PARD3B: variants seen among roughly 807,000 people sequenced by gnomAD.
PARD3B encodes par-3 family cell polarity regulator beta, also known as partitioning defective 3 homolog B.
In PARD3B, 103 loss-of-function variants were observed where a neutral mutation model predicts 130.2. That is an observed-to-expected ratio of 0.79 (90% CI 0.67 to 0.93). PARD3B has a LOEUF of 0.93. Among genes scored for constraint, PARD3B ranks in the 40% least tolerant of loss-of-function variants. PARD3B has a pLI of 0.00. For synonymous variants in PARD3B, 583 were observed against 553.2 expected, an observed-to-expected ratio of 1.05 and a Z score of -0.76; for missense variants, 1,609 against 1,499.2, an observed-to-expected ratio of 1.07 and a Z score of -1.21.
At chr2:205,489,315 C>T (rs933707300) in intron 20 of PARD3B, among the ~76,000 whole-genome samples, 1 of 151,730 alleles carries the variant, frequency 6.6e-6, no homozygotes, top group Non-Finnish European at 1.5e-5. Flanking sequence ...AAATATTGCA[C>T]TGGGGGCTGG....
intron 2 of PARD3B, among the ~76,000 whole-genome samples, chr2:204,715,290 T>A (rs1363024828): frequency 6.6e-6 from 1 of 152,204 alleles, no homozygotes; most frequent in East Asian, 1.9e-4. Flanking sequence ...AAAGTTTACT[T>A]CCCTGTGATT....
At chr2:204,994,291 G>A (rs1399155212) in intron 3 of PARD3B, among the ~76,000 whole-genome samples, 26 of 109,706 alleles carry the variant, frequency 2.4e-4, no homozygotes, top group African/African-American at 4.3e-4. Context: ...CTTTGTTCTC[G>A]TTGGTTTCAA....
intron 2 of PARD3B, among the ~76,000 whole-genome samples, chr2:204,825,847 A>G (rs1241401821): frequency 6.6e-6 from 1 of 152,146 alleles, no homozygotes; most frequent in Non-Finnish European, 1.5e-5. Flanking sequence ...GGTTTCTTCA[A>G]TTCTTGTGAA....
chr2:205,187,320 GA>G lies in PARD3B; in HGVS notation c.2024+1458del, dbSNP rs1187033397. ...TGTACAAGGTGGAGCTGATCAGCCA[GA>G]TGATAAAGCCCAGAGTGCAAGAATA... is the stretch of plus-strand genomic sequence containing the variant. On this transcript the variant is annotated intron_variant, in intron 14 of 22. Coordinates refer to ENST00000406610, the MANE Select transcript of PARD3B (RefSeq NM_001302769.2). This position sits in a 1 kb window ranked among gnomAD's most constrained non-coding sequence, Gnocchi z 4.9. Among the ~76,000 whole-genome samples the G allele has an allele frequency of 6.6e-6, 1 of 152,198 alleles. No homozygotes were observed.
chr2:204,740,047 C>G (rs898788843), intron 2 of PARD3B, among the ~76,000 whole-genome samples: 1 of 151,506 alleles, frequency 6.6e-6, no homozygotes, highest in South Asian at 2.1e-4. Flanking sequence ...CAGTCACTCT[C>G]TCATCACCCA....
At position 204,906,487 on chromosome 2, in the gene PARD3B, A is replaced by G. The variant is rs1244806093; in HGVS notation, c.223-58665A>G. Among the ~76,000 whole-genome samples, 1 of 152,220 alleles carries G rather than the reference A, an allele frequency of 6.6e-6. No homozygotes were observed. Among genetic ancestry groups the G allele is most frequent in the East Asian group, 1.9e-4 (1 of 5,196 alleles). Reference sequence around the variant, plus strand: ...CGTGCCAGTTATATATATGGGCAGTAGACCTTATTATTAACTAGAGAACAC... The same window carrying G: ...CGTGCCAGTTATATATATGGGCAGTGGACCTTATTATTAACTAGAGAACAC... On this transcript the variant is annotated intron_variant, in intron 2 of 22. Transcript: ENST00000406610. This position sits in a 1 kb window ranked among gnomAD's most constrained non-coding sequence, Gnocchi z 4.3.
intron 3 of PARD3B, among the ~76,000 whole-genome samples, chr2:204,989,497 G>C (rs1693460008): frequency 1.3e-5 from 2 of 152,136 alleles, no homozygotes; most frequent in African/African-American, 4.8e-5. Context: ...AAGCAACGCA[G>C]TGAGCACCCA....
intron 1 of PARD3B, among the ~76,000 whole-genome samples, chr2:204,558,699 G>C (rs2031100119): frequency 1.3e-5 from 2 of 152,070 alleles, no homozygotes. Context: ...CTACTTTAAA[G>C]TTCATGTGGA....
chr2:205,038,978 GC>G (rs1291627142), intron 3 of PARD3B, among the ~76,000 whole-genome samples: 2 of 152,018 alleles, frequency 1.3e-5, no homozygotes, highest in East Asian at 3.9e-4. Context: ...TTCATCACAG[GC>G]CAGGCACCAA....
At chr2:205,130,610 G>A (rs892211770) in intron 10 of PARD3B, among the ~76,000 whole-genome samples, 6 of 151,994 alleles carry the variant, frequency 3.9e-5, no homozygotes, top group Non-Finnish European at 7.4e-5. Flanking sequence ...CCTCTTTAAC[G>A]TTTCATTTTC....
At position 205,091,635 on chromosome 2, in the gene PARD3B, T is replaced by A. The variant is rs141261333; in HGVS notation, c.505-12791T>A. Among the ~76,000 whole-genome samples the A allele has an allele frequency of 3.4e-4, 52 of 152,296 alleles. No individual in the cohort carries two copies. The East Asian group carries it at 0.01, about 29-fold the overall frequency. ...TTCTGTCAAAGATATGGGCTTGGAT[T>A]AGCAGCTACATATCAGTTCTTATCT... On this transcript the variant is annotated intron_variant, in intron 4 of 22. Transcript: ENST00000406610. The surrounding 1 kb of genome is among the most constrained non-coding windows in gnomAD (Gnocchi z 4.2).
intron 18 of PARD3B, among the ~76,000 whole-genome samples, chr2:205,378,387 T>A (rs2045155204): frequency 6.6e-6 from 1 of 152,020 alleles, no homozygotes; most frequent in Non-Finnish European, 1.5e-5. Context: ...GTCAGCCACC[T>A]CCCTAAGGGA....
chr2:205,197,292 T>G (rs1233769281), intron 15 of PARD3B, among the ~76,000 whole-genome samples: 1 of 152,178 alleles, frequency 6.6e-6, no homozygotes, highest in Non-Finnish European at 1.5e-5. Flanking sequence ...TGTTCTTTAT[T>G]CTATTAGTGA....
chr2:205,430,814 T>A (rs546655265), intron 19 of PARD3B, among the ~76,000 whole-genome samples: 1 of 152,278 alleles, frequency 6.6e-6, no homozygotes, highest in South Asian at 2.1e-4. Context: ...GAACACCAAA[T>A]GTAACGTACA....
At chr2:205,511,399 T>G (rs1472708525) in intron 21 of PARD3B, among the ~76,000 whole-genome samples, 1 of 152,224 alleles carries the variant, frequency 6.6e-6, no homozygotes, top group Non-Finnish European at 1.5e-5. Context: ...GAACTCTTTC[T>G]GCTTTTAATG....
At chr2:205,609,510 A>G (rs1338179977) in intron 22 of PARD3B, among the ~76,000 whole-genome samples, 1 of 152,192 alleles carries the variant, frequency 6.6e-6, no homozygotes, top group African/African-American at 2.4e-5. Flanking sequence ...ATTTGGCCAC[A>G]GTCAATTATT....
intron 18 of PARD3B, among the ~76,000 whole-genome samples, chr2:205,304,716 A>G (rs764376425): frequency 6.6e-6 from 1 of 152,060 alleles, no homozygotes. Context: ...TGGGCAAATC[A>G]CTTGAGCCCA....
intron 2 of PARD3B, among the ~76,000 whole-genome samples, chr2:204,703,696 C>A (rs2038000700): frequency 6.6e-6 from 1 of 152,112 alleles, no homozygotes; most frequent in African/African-American, 2.4e-5. Flanking sequence ...CATGGCATTT[C>A]ATTTTAGAGG....
At position 205,523,815 on chromosome 2, in the gene PARD3B, CTTT is replaced by C. The variant is rs11307073; in HGVS notation, c.3180+23801_3180+23803del. On this transcript the variant is annotated intron_variant, in intron 21 of 22. Coordinates refer to ENST00000406610, the MANE Select transcript of PARD3B (RefSeq NM_001302769.2). Reference sequence around the variant, plus strand: ...TATTTTGATTCATCTCTCTGATAACCTTTTTTTTTTTTTTTTTTTGAGTAATTT... The same window carrying C: ...TATTTTGATTCATCTCTCTGATAACCTTTTTTTTTTTTTTTTGAGTAATTT... 4.3e-3 allele frequency among the ~76,000 whole-genome samples: 525 copies of C among 121,436 alleles called. 2 individuals carry two copies. Among genetic ancestry groups the C allele is most frequent in the African/African-American group, 0.013 (426 of 32,594 alleles). 79.7% of individuals were successfully genotyped at this position (121,436 alleles called of 152,430 possible).
Sources: gnomAD v4.1 joint callset for allele counts (sites outside exome capture counted in the v4.1 genomes callset) on GRCh38, gnomAD v4.1.1 for gene constraint, Gnocchi (gnomAD v3.1) non-coding constraint, MANE v1.5 for transcripts, NCBI Gene and HGNC (gene_info 2026-07-23, HGNC 2026-07-21) for gene names.